The following DHTKD1 variants were observed in gnomAD, a reference collection of about 807,000 sequenced individuals.
DHTKD1 encodes dehydrogenase E1 and transketolase domain containing 1.
A neutral mutation model predicts 101.8 loss-of-function variants in DHTKD1; 78 were observed. That is an observed-to-expected ratio of 0.77 (90% CI 0.64 to 0.93). The LOEUF is 0.93. Among genes scored for constraint, DHTKD1 ranks in the 40% least tolerant of loss-of-function variants. DHTKD1 has a pLI of 0.00. For synonymous variants in DHTKD1, 462 were observed against 450.3 expected (o/e 1.03, Z -0.33); for missense variants, 1,223 against 1,161.7 (o/e 1.05, Z -0.77).
intron 2 of DHTKD1, 59 bp from the exon 3 acceptor site, chr10:12,084,481 A>T: frequency 1.8e-6 from 2 of 1,119,842 alleles, no homozygotes; most frequent in Non-Finnish European, 2.7e-6. Flanking sequence ...AATAATCTCA[A>T]CATCATGTTA....
chr10:12,084,142 C>T (rs1189088698), intron 2 of DHTKD1, among the ~76,000 whole-genome samples: 16 of 152,076 alleles, frequency 1.1e-4, no homozygotes, highest in Admixed American at 5.2e-4. Flanking sequence ...AGGCTGGGCT[C>T]GAACTCCTGA....
chr10:12,111,472 T>G (rs892550432), intron 12 of DHTKD1, among the ~76,000 whole-genome samples: 1 of 152,126 alleles, frequency 6.6e-6, no homozygotes, highest in African/African-American at 2.4e-5. Flanking sequence ...GGCCTTTGTT[T>G]TGTGTTAAAG....
intron 13 of DHTKD1, among the ~76,000 whole-genome samples, chr10:12,115,085 G>A (rs987862896): frequency 1.3e-4 from 9 of 69,446 alleles, no homozygotes; most frequent in Admixed American, 5.4e-4. Context: ...ATGAGCCACC[G>A]CTCCCGGCCT....
intron 1 of DHTKD1, among the ~76,000 whole-genome samples, chr10:12,072,506 C>A (rs1261746343): frequency 7.0e-6 from 1 of 143,152 alleles, no homozygotes; most frequent in African/African-American, 2.5e-5. Flanking sequence ...TAAATAAATA[C>A]AAATAAATAA....
chr10:12,118,674 A>T, intron 14 of DHTKD1, 75 bp from the exon 15 acceptor site: 1 of 1,298,874 alleles, frequency 7.7e-7, no homozygotes. Context: ...GAGCTACTGC[A>T]CCTGGCCTCT....
In DHTKD1 at chr10:12,106,982, C is replaced by CT. The variant is rs1403897195; in HGVS notation, c.2047+590dup. Among the ~76,000 whole-genome samples, 46 of 149,486 alleles carry CT rather than the reference C, an allele frequency of 3.1e-4. 1 individual carries two copies. The highest frequency in any genetic ancestry group is 4.2e-4 in the South Asian group (2 of 4,736). ...GCTGTGAGAGCTGCCCATTCTTTTT[C>CT]TTTTCTTTTTTTTTTTTTTTGAGAC... On this transcript the variant is annotated intron_variant, in intron 11 of 16. Coordinates refer to ENST00000263035, the MANE Select transcript of DHTKD1 (RefSeq NM_018706.7).
chr10:12,084,792 T>C (rs958304470), intron 3 of DHTKD1, 41 bp downstream of exon 3: 7 of 1,587,482 alleles, frequency 4.4e-6, no homozygotes, highest in Non-Finnish European at 6.0e-6. Flanking sequence ...GGCTCATGCC[T>C]GTAATCCCAG....
At chr10:12,106,873 G>C (rs900955874) in intron 11 of DHTKD1, among the ~76,000 whole-genome samples, 4 of 152,166 alleles carry the variant, frequency 2.6e-5, no homozygotes, top group African/African-American at 9.7e-5. Context: ...GTGCCTGAGG[G>C]CCTGGACTTC....
At chr10:12,083,843 G>A (rs4750165) in intron 2 of DHTKD1, among the ~76,000 whole-genome samples, 150,455 of 152,324 alleles carry the variant, frequency 0.99, 74,349 homozygotes, top group East Asian at 1. Flanking sequence ...TAGTTTTACT[G>A]CTTCATGACC....
intron 5 of DHTKD1, among the ~76,000 whole-genome samples, chr10:12,090,919 T>C (rs989523254): frequency 6.6e-6 from 1 of 152,162 alleles, no homozygotes; most frequent in African/African-American, 2.4e-5. Context: ...AAGATTGTGG[T>C]GGCGGGCGCC....
intron 12 of DHTKD1, among the ~76,000 whole-genome samples, chr10:12,108,651 G>A (rs551452817): frequency 9.4e-4 from 143 of 152,264 alleles, no homozygotes; most frequent in African/African-American, 3.3e-3. Flanking sequence ...CATTACAAAT[G>A]TCTCCTTTTG....
chr10:12,099,855 G>A (rs1188283399), intron 8 of DHTKD1, among the ~76,000 whole-genome samples: 1 of 143,920 alleles, frequency 6.9e-6, no homozygotes, highest in Admixed American at 7.1e-5. Flanking sequence ...GTAGTGTAGT[G>A]GAGCCATCTC....
intron 14 of DHTKD1, 86 bp from the exon 15 acceptor site, chr10:12,118,663 T>C (rs1833463704): frequency 7.7e-6 from 9 of 1,167,570 alleles, no homozygotes; most frequent in Middle Eastern, 2.1e-4. Context: ...ATTACAGGCG[T>C]GAGCTACTGC....
chr10:12,118,410 T>A (rs1403641033), intron 14 of DHTKD1, among the ~76,000 whole-genome samples: 2 of 144,146 alleles, frequency 1.4e-5, no homozygotes, highest in African/African-American at 5.2e-5. Context: ...TGAGGTTGAG[T>A]CTTGCTCTGT....
chr10:12,104,681 C>T (rs1438514844), intron 10 of DHTKD1, among the ~76,000 whole-genome samples: 1 of 152,054 alleles, frequency 6.6e-6, no homozygotes, highest in Admixed American at 6.6e-5. Flanking sequence ...GCAGCCTCGA[C>T]CTCCTGTGTC....
At chr10:12,108,766 T>C (rs1410166927) in intron 12 of DHTKD1, among the ~76,000 whole-genome samples, 1 of 152,216 alleles carries the variant, frequency 6.6e-6, no homozygotes, top group African/African-American at 2.4e-5. Flanking sequence ...AATTCACCAT[T>C]ATTTTTTATT....
intron 5 of DHTKD1, among the ~76,000 whole-genome samples, chr10:12,089,641 C>A (rs985781439): frequency 6.6e-6 from 1 of 151,560 alleles, no homozygotes; most frequent in Non-Finnish European, 1.5e-5. Flanking sequence ...GGTTTTACTT[C>A]GTTTCTTGTT....
chr10:12,084,907 C>T (rs889795018), intron 3 of DHTKD1, among the ~76,000 whole-genome samples, 156 bp downstream of exon 3: 2 of 152,058 alleles, frequency 1.3e-5, no homozygotes, highest in Non-Finnish European at 2.9e-5. Flanking sequence ...GAAAATTAGC[C>T]AGGCATGCTG....
At chr10:12,084,129 G>A (rs1290948308) in intron 2 of DHTKD1, among the ~76,000 whole-genome samples, 1 of 151,984 alleles carries the variant, frequency 6.6e-6, no homozygotes, top group African/African-American at 2.4e-5. Flanking sequence ...TACCATATTG[G>A]TCAGGCTGGG....
Sources: allele counts gnomAD v4.1 joint callset (sites outside exome capture counted in the v4.1 genomes callset), GRCh38; gene constraint gnomAD v4.1.1; transcripts MANE v1.5; gene names NCBI Gene and HGNC (gene_info 2026-07-23, HGNC 2026-07-21).